TBC1D15: variants seen among roughly 807,000 people sequenced by gnomAD.
TBC1D15 encodes the protein GAP for RAB7.
A neutral mutation model predicts 95.4 loss-of-function variants in TBC1D15; 39 were observed. The ratio of observed to expected loss-of-function variants is 0.41; its 90% CI spans 0.32 to 0.53. The LOEUF (loss-of-function observed/expected upper bound fraction) is 0.53, where lower values mean the gene tolerates loss of function less well. Ranked by LOEUF, TBC1D15 falls within the 20% of genes least tolerant of loss-of-function variation. TBC1D15 has a pLI of 0.29. For synonymous variants in TBC1D15, 258 were observed against 261.3 expected, an observed-to-expected ratio of 0.99 and a Z score of 0.12; for missense variants, 733 against 794.3, an observed-to-expected ratio of 0.92 and a Z score of 0.93.
intron 1 of TBC1D15, chr12:71,849,939 C>T: frequency 3.7e-6 from 2 of 545,514 alleles, no homozygotes; most frequent in Non-Finnish European, 7.1e-6. Flanking sequence ...GCTAAGTTTC[C>T]CCTGAAGGGT....
chr12:71,912,587 G>T (rs550412359), intron 11 of TBC1D15, among the ~76,000 whole-genome samples: 1 of 152,164 alleles, frequency 6.6e-6, no homozygotes, highest in South Asian at 2.1e-4. Flanking sequence ...TGCTTTCTGA[G>T]ATCATTTTTT....
intron 11 of TBC1D15, among the ~76,000 whole-genome samples, chr12:71,913,187 A>G (rs755779901): frequency 2.0e-5 from 3 of 152,008 alleles, no homozygotes; most frequent in Admixed American, 6.6e-5. Context: ...AGTTGCTGGC[A>G]TTGGTTGGGT....
At chr12:71,849,111 G>A (rs1357144827) in intron 1 of TBC1D15, 2 of 197,682 alleles carry the variant, frequency 1.0e-5, no homozygotes, top group Non-Finnish European at 2.0e-5. Flanking sequence ...TTTTTCAAGT[G>A]TCTGACTCCA....
At chr12:71,895,882 C>A (rs1370839029) in intron 7 of TBC1D15, 65 bp from the exon 8 acceptor site, 1 of 1,484,236 alleles carries the variant, frequency 6.7e-7, no homozygotes, top group Non-Finnish European at 9.2e-7. Context: ...AATTTAGTTT[C>A]TATATGCCTT....
At position 71,920,721 on chromosome 12, in the gene TBC1D15, C is replaced by T; in HGVS notation, c.1600-10C>T. The T allele has an allele frequency of 6.3e-7, 1 of 1,594,296 alleles. No individual in the cohort carries two copies. Among genetic ancestry groups the T allele is most frequent in the Non-Finnish European group, 8.6e-7 (1 of 1,163,920 alleles). On this transcript the variant is annotated splice_polypyrimidine_tract_variant and intron_variant, in intron 14 of 16. Coordinates refer to ENST00000485960, the MANE Select transcript of TBC1D15 (RefSeq NM_001146213.3). ...TACAATTTGCAAAATAGTTCTTCTG[C>T]CTTCTATAGGTAATGTGGACCGAAC...
At chr12:71,894,943 G>T in intron 7 of TBC1D15, 60 bp downstream of exon 7, 1 of 1,493,012 alleles carries the variant, frequency 6.7e-7, no homozygotes, top group Non-Finnish European at 9.1e-7. Context: ...ATGTACTATA[G>T]AAATAGAAAC....
chr12:71,898,321 T>G (rs534890711), intron 10 of TBC1D15, among the ~76,000 whole-genome samples: 5 of 152,220 alleles, frequency 3.3e-5, no homozygotes, highest in African/African-American at 1.2e-4. Flanking sequence ...ATAGAAATTA[T>G]TTTTGTTTCT....
chr12:71,896,474 T>C (rs1898199454), intron 8 of TBC1D15: 1 of 566,474 alleles, frequency 1.8e-6, no homozygotes, highest in Non-Finnish European at 3.2e-6. Flanking sequence ...TACTGTATTC[T>C]GTGCACTGTT....
intron 6 of TBC1D15, chr12:71,894,308 A>G: frequency 6.2e-7 from 1 of 1,604,976 alleles, no homozygotes; most frequent in Non-Finnish European, 8.5e-7. Context: ...TTCAAGAAAT[A>G]TTTTTTTTGT....
chr12:71,894,769 C>G lies in TBC1D15; in HGVS notation c.741C>G (p.Ser247Arg). The G allele has an allele frequency of 6.2e-7, 1 of 1,613,210 alleles. No homozygotes were observed. Among genetic ancestry groups the G allele is most frequent in the Non-Finnish European group, 8.5e-7 (1 of 1,179,402 alleles). The change falls in exon 7 of 17, where the codon AGC becomes AGG. Residue 247 changes from serine (S) to arginine (R), a missense_variant. Transcript: ENST00000485960. ...ACATTTTTGACAGTTTGAGAGGCAG[C>G]GATCCCTCTACACATCAACGACCAC... ...TNYIFDSLRG[S>R]DPSTHQRPPS...
intron 1 of TBC1D15, among the ~76,000 whole-genome samples, chr12:71,860,284 G>A (rs962844713): frequency 2.6e-5 from 4 of 152,068 alleles, no homozygotes; most frequent in African/African-American, 9.7e-5. Flanking sequence ...TTCAATTTCT[G>A]GGAAGGTTGT....
intron 5 of TBC1D15, among the ~76,000 whole-genome samples, chr12:71,888,980 A>G (rs888101893): frequency 6.6e-6 from 1 of 152,036 alleles, no homozygotes; most frequent in African/African-American, 2.4e-5. Flanking sequence ...TTGCAGCTAT[A>G]ATAAGTGCCG....
intron 1 of TBC1D15, among the ~76,000 whole-genome samples, chr12:71,847,695 A>T (rs1592685543): frequency 6.7e-6 from 1 of 149,378 alleles, no homozygotes. Context: ...ACTGTCTCGA[A>T]AAAAAAACCC....
intron 10 of TBC1D15, among the ~76,000 whole-genome samples, chr12:71,901,170 A>G (rs1899299241): frequency 6.6e-6 from 1 of 152,010 alleles, no homozygotes; most frequent in African/African-American, 2.4e-5. Flanking sequence ...GCATGCACGC[A>G]CCATCACACC....
Position 71,847,661 on chromosome 12 carries a change from C to T in TBC1D15, c.30+7850C>T, listed in dbSNP as rs181644233. 3.8e-3 allele frequency among the ~76,000 whole-genome samples: 572 copies of T among 151,632 alleles called. 3 individuals carry two copies. The highest frequency in any genetic ancestry group is 0.016 in the South Asian group (77 of 4,792). On this transcript the variant is annotated intron_variant, in intron 1 of 16. Transcript: ENST00000485960. ...AGTGAGCCGAGATTGTGCCACTGCT[C>T]TCCAGCCTGGGTGACAGAGCGAGAC...
At chr12:71,875,858 C>T (rs955423652) in intron 3 of TBC1D15, among the ~76,000 whole-genome samples, 13 of 151,978 alleles carry the variant, frequency 8.6e-5, no homozygotes, top group African/African-American at 2.4e-5. Flanking sequence ...AGTACCGTGG[C>T]ATGATCTCGG....
chr12:71,843,746 C>G (rs1036378323), intron 1 of TBC1D15, among the ~76,000 whole-genome samples: 3 of 152,072 alleles, frequency 2.0e-5, no homozygotes, highest in African/African-American at 7.2e-5. Context: ...CTGTGTATCT[C>G]CTCCAACTCT....
intron 1 of TBC1D15, chr12:71,841,372 A>G (rs1481671455): frequency 9.8e-5 from 15 of 152,326 alleles, no homozygotes. Context: ...CTGCTTCATA[A>G]CCTCATTTAT....
chr12:71,893,359 C>A, intron 6 of TBC1D15, 35 bp downstream of exon 6: 1 of 1,493,230 alleles, frequency 6.7e-7, no homozygotes, highest in Non-Finnish European at 9.2e-7. Context: ...ATTATTCTGA[C>A]TGCATTATTT....
Sources: allele counts gnomAD v4.1 joint callset (sites outside exome capture counted in the v4.1 genomes callset), GRCh38; gene constraint gnomAD v4.1.1; transcripts MANE v1.5; gene names NCBI Gene and HGNC (gene_info 2026-07-23, HGNC 2026-07-21).